Variants in HPSE2 observed in about 807,000 individuals in gnomAD.
HPSE2 encodes inactive heparanase-2.
Under a neutral mutation model 60.5 loss-of-function variants are expected in HPSE2, and 38 were observed. The ratio of observed to expected loss-of-function variants is 0.63; its 90% CI spans 0.48 to 0.82. The LOEUF (loss-of-function observed/expected upper bound fraction) is 0.82, where lower values mean the gene tolerates loss of function less well. Ranked by LOEUF, HPSE2 falls within the 40% of genes least tolerant of loss-of-function variation. The pLI is 0.00. For missense variants in HPSE2, 713 were observed against 740.4 expected, an observed-to-expected ratio of 0.96 and a Z score of 0.43; for synonymous variants, 295 against 293.2, an observed-to-expected ratio of 1.01 and a Z score of -0.06.
intron 4 of HPSE2, among the ~76,000 whole-genome samples, chr10:98,724,428 G>C (rs902483622): frequency 2.0e-5 from 3 of 152,144 alleles, no homozygotes; most frequent in Non-Finnish European, 4.4e-5. Context: ...GTGCTGAAAA[G>C]AATGTATATT....
the HPSE2 span, among the ~76,000 whole-genome samples, chr10:99,280,226 G>C: frequency 6.6e-6 from 1 of 152,316 alleles, no homozygotes; most frequent in East Asian, 1.9e-4. Flanking sequence ...GCTAAGGAAA[G>C]GAGAGTGAAA....
At chr10:98,514,473 T>A (rs978176444) in intron 9 of HPSE2, among the ~76,000 whole-genome samples, 3 of 152,166 alleles carry the variant, frequency 2.0e-5, no homozygotes, top group African/African-American at 7.2e-5. Flanking sequence ...AAGGAATGAA[T>A]TTCTGGAGAT....
intron 3 of HPSE2, among the ~76,000 whole-genome samples, chr10:98,811,800 C>A (rs545326891): frequency 1.3e-5 from 2 of 152,182 alleles, no homozygotes; most frequent in South Asian, 4.1e-4. Flanking sequence ...GTATTGTAAA[C>A]CATAAACATA....
At chr10:98,512,555 A>C (rs1417417141) in intron 9 of HPSE2, among the ~76,000 whole-genome samples, 1 of 151,014 alleles carries the variant, frequency 6.6e-6, no homozygotes, top group East Asian at 2.0e-4. Flanking sequence ...ACTGCACTCC[A>C]GCCTGGGTGA....
upstream of HPSE2, among the ~76,000 whole-genome samples, chr10:99,238,710 T>A (rs1281235148): frequency 6.6e-6 from 1 of 152,234 alleles, no homozygotes; most frequent in African/African-American, 2.4e-5. Context: ...GTCTTGCCTC[T>A]TATCTATTAA....
intron 9 of HPSE2, among the ~76,000 whole-genome samples, chr10:98,600,245 A>C (rs1047304474): frequency 3.3e-5 from 5 of 152,218 alleles, no homozygotes; most frequent in African/African-American, 4.8e-5. Flanking sequence ...ACCTGTAGGT[A>C]ACACCATATA....
intron 7 of HPSE2, among the ~76,000 whole-genome samples, chr10:98,636,629 A>G (rs1187785207): frequency 6.6e-6 from 1 of 152,230 alleles, no homozygotes; most frequent in African/African-American, 2.4e-5. Context: ...TTATATGTCA[A>G]TTAAAAATAA....
At chr10:99,142,999 T>C (rs572619438) in intron 3 of HPSE2, among the ~76,000 whole-genome samples, 1 of 152,178 alleles carries the variant, frequency 6.6e-6, no homozygotes, top group East Asian at 1.9e-4. Flanking sequence ...CAAATACATA[T>C]GAGGTTGACT....
the HPSE2 span, among the ~76,000 whole-genome samples, chr10:99,262,259 T>G: frequency 6.6e-6 from 1 of 152,190 alleles, no homozygotes; most frequent in African/African-American, 2.4e-5. Context: ...TCTAAACCTC[T>G]TAAAACTCCC....
chr10:98,580,405 A>T (rs1386878455), intron 9 of HPSE2, among the ~76,000 whole-genome samples: 1 of 151,560 alleles, frequency 6.6e-6, no homozygotes, highest in Non-Finnish European at 1.5e-5. Context: ...GAACCTTCTC[A>T]TCTCCATTTT....
At chr10:98,590,317 C>T (rs2133941150) in intron 9 of HPSE2, among the ~76,000 whole-genome samples, 1 of 152,286 alleles carries the variant, frequency 6.6e-6, no homozygotes, top group African/African-American at 2.4e-5. Flanking sequence ...AGGCAGGCAC[C>T]TGTAGTCCCA....
chr10:99,292,993 G>T, the HPSE2 span, among the ~76,000 whole-genome samples: 1 of 151,778 alleles, frequency 6.6e-6, no homozygotes, highest in Non-Finnish European at 1.5e-5. Context: ...CTCTATTTTC[G>T]CCTCTCCCTT....
intron 3 of HPSE2, among the ~76,000 whole-genome samples, chr10:98,887,427 T>C (rs1953196949): frequency 1.3e-5 from 2 of 152,186 alleles, no homozygotes; most frequent in Non-Finnish European, 2.9e-5. Context: ...CAGATGTTTC[T>C]GGTTTTAAAA....
chr10:98,963,073 C>A (rs1258682854), intron 3 of HPSE2, among the ~76,000 whole-genome samples: 1 of 152,116 alleles, frequency 6.6e-6, no homozygotes, highest in Non-Finnish European at 1.5e-5. Context: ...ACTTTAAGGA[C>A]CTTCAGGATG....
intron 9 of HPSE2, among the ~76,000 whole-genome samples, chr10:98,570,826 G>GT (rs5787290): frequency 0.86 from 130,448 of 151,868 alleles, 57,021 homozygotes; most frequent in East Asian, 1. Context: ...TAAGTTTGGG[G>GT]TTGAAATGAT....
At chr10:98,982,762 T>G (rs1204096205) in intron 3 of HPSE2, among the ~76,000 whole-genome samples, 2 of 152,162 alleles carry the variant, frequency 1.3e-5, no homozygotes, top group African/African-American at 2.4e-5. Context: ...CTATTTCATT[T>G]TAATCCAAAG....
chr10:98,462,416 C>T (rs78782115), intron 11 of HPSE2, among the ~76,000 whole-genome samples: 8,860 of 152,096 alleles, frequency 0.058, 349 homozygotes, highest in Middle Eastern at 0.12. Flanking sequence ...TGACCTCAAG[C>T]GATCCACCTG....
intron 9 of HPSE2, among the ~76,000 whole-genome samples, chr10:98,604,325 A>C (rs1945518521): frequency 6.6e-6 from 1 of 152,078 alleles, no homozygotes; most frequent in Non-Finnish European, 1.5e-5. Context: ...AAAATGCTAG[A>C]GATCAGAAAT....
In HPSE2 at chr10:98,946,677, G is replaced by T. The variant is rs183495597; in HGVS notation, c.610+197561C>A. On this transcript the variant is annotated intron_variant, in intron 3 of 11. Transcript: ENST00000370552. Reference sequence around the variant, plus strand: ...GTGAAGACATTGTTAAAAAAAGTATGCACACAAACACTTATAAACTATAAA... The same window carrying T: ...GTGAAGACATTGTTAAAAAAAGTATTCACACAAACACTTATAAACTATAAA... Among the ~76,000 whole-genome samples the T allele has an allele frequency of 1.2e-4, 19 of 152,096 alleles. No homozygotes were observed. The East Asian group carries it at 3.7e-3, about 29-fold the overall frequency.
Sources: allele counts gnomAD v4.1 joint callset (sites outside exome capture counted in the v4.1 genomes callset), GRCh38; gene constraint gnomAD v4.1.1; transcripts MANE v1.5; gene names NCBI Gene and HGNC (gene_info 2026-07-23, HGNC 2026-07-21).